Variants in NUP155 observed in about 807,000 individuals in gnomAD.
NUP155 encodes nuclear pore complex protein Nup155.
A neutral mutation model predicts 180.4 loss-of-function variants in NUP155; 71 were observed. The observed-to-expected ratio is 0.39, with a 90% CI of 0.33 to 0.48. NUP155 has a LOEUF of 0.48. Among genes scored for constraint, NUP155 ranks in the 20% least tolerant of loss-of-function variants. NUP155 has a pLI of 0.91. For missense variants in NUP155, 1,553 were observed against 1,648.9 expected, an observed-to-expected ratio of 0.94 and a Z score of 1.01; for synonymous variants, 582 against 559.5, an observed-to-expected ratio of 1.04 and a Z score of -0.57.
At chr5:37,360,204 T>C (rs1747107702) in intron 3 of NUP155, among the ~76,000 whole-genome samples, 2 of 152,096 alleles carry the variant, frequency 1.3e-5, no homozygotes, top group African/African-American at 2.4e-5. Flanking sequence ...TCAGCGAGGC[T>C]GGGTGTGGTG....
intron 3 of NUP155, among the ~76,000 whole-genome samples, chr5:37,359,465 AG>A (rs1234990873): frequency 6.6e-6 from 1 of 152,068 alleles, no homozygotes; most frequent in African/African-American, 2.4e-5. Context: ...AGGATGTAAG[AG>A]GAACACTGAG....
At chr5:37,340,534 A>C (rs1052236331) in intron 11 of NUP155, among the ~76,000 whole-genome samples, 1 of 152,246 alleles carries the variant, frequency 6.6e-6, no homozygotes, top group Non-Finnish European at 1.5e-5. Context: ...TGCTACTGAC[A>C]TAAGGATGGA....
Position 37,290,929 on chromosome 5 carries a change from C to T in NUP155, c.*971G>A, listed in dbSNP as rs1223083679. 6.6e-6 allele frequency: 1 copy of T among 152,202 alleles called. No homozygotes were observed. Among genetic ancestry groups the T allele is most frequent in the Non-Finnish European group, 1.5e-5 (1 of 68,062 alleles). The allele number at this position is 152,202 out of a possible 1,614,324, so 9.4% of individuals were successfully genotyped here. ...TGATGCTTCTGGTTTGGAGCACATA[C>T]TTTGAGAACCACTGCTCTAATGGAA... On this transcript the variant is annotated 3_prime_UTR_variant, in exon 35 of 35. Transcript: ENST00000231498.
intron 3 of NUP155, among the ~76,000 whole-genome samples, chr5:37,359,769 T>C (rs549672739): frequency 1.1e-4 from 17 of 152,266 alleles, no homozygotes; most frequent in Non-Finnish European, 2.1e-4. Context: ...GACTCAGCTA[T>C]GAATCCAAAC....
chr5:37,370,710 T>C, intron 1 of NUP155, 111 bp downstream of exon 1: 13 of 1,611,086 alleles, frequency 8.1e-6, no homozygotes, highest in Non-Finnish European at 1.1e-5. Flanking sequence ...CAGCCAACAG[T>C]GCCATAAATC....
intron 8 of NUP155, 90 bp from the exon 9 acceptor site, chr5:37,348,686 G>T: frequency 2.5e-6 from 2 of 793,816 alleles, no homozygotes; most frequent in Non-Finnish European, 4.4e-6. Flanking sequence ...CTTTAATATT[G>T]GTATTTAATA....
At chr5:37,315,086 G>C in intron 21 of NUP155, among the ~76,000 whole-genome samples, 1 of 152,154 alleles carries the variant, frequency 6.6e-6, no homozygotes. Flanking sequence ...ACAAAAACTA[G>C]ATGGGTGTGG....
At chr5:37,333,682 T>C (rs1221203236) in intron 12 of NUP155, 49 bp from the exon 13 acceptor site, 3 of 1,428,504 alleles carry the variant, frequency 2.1e-6, no homozygotes, top group African/African-American at 1.5e-5. Flanking sequence ...AGTTACATAA[T>C]GCAAAAGAAA....
intron 9 of NUP155, among the ~76,000 whole-genome samples, chr5:37,347,154 G>A (rs768264521): frequency 6.6e-6 from 1 of 152,160 alleles, no homozygotes. Flanking sequence ...CTTAAGCCCA[G>A]GAGGTGGTGA....
At chr5:37,304,584 C>T (rs1380634126) in intron 27 of NUP155, among the ~76,000 whole-genome samples, 155 bp downstream of exon 27, 1 of 152,112 alleles carries the variant, frequency 6.6e-6, no homozygotes, top group Non-Finnish European at 1.5e-5. Context: ...TACTTTGCCC[C>T]TTAGGAAAAG....
At chr5:37,342,738 A>G (rs1745813096) in intron 9 of NUP155, 92 bp from the exon 10 acceptor site, 1 of 938,036 alleles carries the variant, frequency 1.1e-6, no homozygotes. Context: ...ATATTTCCAT[A>G]TTTTCCTTTT....
At position 37,370,989 on chromosome 5, in the gene NUP155, T is replaced by C. The variant is rs1747931793; in HGVS notation, c.-12A>G. The C allele has an allele frequency of 7.4e-6, 12 of 1,613,316 alleles. No homozygotes were observed. Among genetic ancestry groups the C allele is most frequent in the South Asian group, 1.1e-5 (1 of 91,086 alleles). On this transcript the variant is annotated 5_prime_UTR_variant, in exon 1 of 35. Coordinates refer to ENST00000231498, the MANE Select transcript of NUP155 (RefSeq NM_153485.3). ...AAAGAAGACGGCATCTCGGAAATCG[T>C]AGACACCAGGGTCCAGAAAAAGTCA...
chr5:37,354,014 G>A (rs1746642918), intron 4 of NUP155, among the ~76,000 whole-genome samples: 1 of 152,100 alleles, frequency 6.6e-6, no homozygotes, highest in African/African-American at 2.4e-5. Flanking sequence ...ATAAAAGCTA[G>A]ACAATTTTAG....
At chr5:37,333,764 G>C (rs1159469672) in intron 12 of NUP155, 131 bp from the exon 13 acceptor site, 1 of 707,594 alleles carries the variant, frequency 1.4e-6, no homozygotes, top group Non-Finnish European at 2.3e-6. Context: ...AAAGTATTAT[G>C]TAATTTTCTA....
intron 11 of NUP155, among the ~76,000 whole-genome samples, chr5:37,339,575 C>T (rs1745577984): frequency 6.6e-6 from 1 of 152,014 alleles, no homozygotes; most frequent in Admixed American, 6.6e-5. Context: ...CTATGGTGAC[C>T]CAAGATCCTG....
intron 3 of NUP155, among the ~76,000 whole-genome samples, chr5:37,362,518 C>A (rs1048917239): frequency 6.6e-6 from 1 of 152,090 alleles, no homozygotes; most frequent in Non-Finnish European, 1.5e-5. Flanking sequence ...GAACTCCCGA[C>A]TGCAGGTGAT....
chr5:37,368,961 G>A (rs915499090), intron 1 of NUP155, among the ~76,000 whole-genome samples: 9 of 152,154 alleles, frequency 5.9e-5, no homozygotes, highest in Admixed American at 5.2e-4. Context: ...GGAATGCTAC[G>A]AAAGACTTCA....
chr5:37,350,519 T>C (rs1004019556), intron 6 of NUP155, among the ~76,000 whole-genome samples: 4 of 152,148 alleles, frequency 2.6e-5, no homozygotes, highest in South Asian at 4.1e-4. Context: ...AAGCCAGTTA[T>C]GGGCTGGGCA....
At chr5:37,358,273 G>T in intron 3 of NUP155, 122 bp from the exon 4 acceptor site, 1 of 736,640 alleles carries the variant, frequency 1.4e-6, no homozygotes, top group Non-Finnish European at 2.5e-6. Context: ...GAGCCCAGAA[G>T]TTCAAGACCA....
Sources: gnomAD v4.1 joint callset for allele counts (sites outside exome capture counted in the v4.1 genomes callset) on GRCh38, gnomAD v4.1.1 for gene constraint, MANE v1.5 for transcripts, NCBI Gene and HGNC (gene_info 2026-07-23, HGNC 2026-07-21) for gene names.